Variants in SCAMP1 observed in about 807,000 individuals in gnomAD.
SCAMP1 encodes the protein secretory carrier-associated membrane protein 1.
In SCAMP1, 15 loss-of-function variants were observed where a neutral mutation model predicts 41.8. That is an observed-to-expected ratio of 0.36 (90% CI 0.24 to 0.55). The LOEUF is 0.55. Among genes scored for constraint, SCAMP1 ranks in the 20% least tolerant of loss-of-function variants. The pLI is 0.86. For synonymous variants in SCAMP1, 135 were observed against 136.8 expected, an observed-to-expected ratio of 0.99 and a Z score of 0.09; for missense variants, 341 against 412.6, an observed-to-expected ratio of 0.83 and a Z score of 1.50.
intron 1 of SCAMP1, among the ~76,000 whole-genome samples, chr5:78,383,258 A>G (rs1354478306): frequency 6.6e-6 from 1 of 151,862 alleles, no homozygotes; most frequent in Admixed American, 6.6e-5. Flanking sequence ...TTGTCTATTC[A>G]TGTCCTTAGC....
At chr5:78,408,950 T>C (rs1751999177) in intron 2 of SCAMP1, among the ~76,000 whole-genome samples, 1 of 152,160 alleles carries the variant, frequency 6.6e-6, no homozygotes, top group Non-Finnish European at 1.5e-5. Flanking sequence ...CCTTTTTTCC[T>C]CCCTTCTACA....
At chr5:78,429,300 T>A (rs748944786) in intron 6 of SCAMP1, among the ~76,000 whole-genome samples, 25 of 151,840 alleles carry the variant, frequency 1.6e-4, no homozygotes, top group Non-Finnish European at 3.2e-4. Context: ...AGATGCCCTT[T>A]GTTGGTCTCA....
At chr5:78,423,407 C>G (rs1008544017) in intron 6 of SCAMP1, among the ~76,000 whole-genome samples, 1 of 152,170 alleles carries the variant, frequency 6.6e-6, no homozygotes, top group Non-Finnish European at 1.5e-5. Context: ...GCATGGCTCA[C>G]AAGGCTTTTT....
intron 8 of SCAMP1, among the ~76,000 whole-genome samples, chr5:78,474,905 A>G (rs1753969768): frequency 6.6e-6 from 1 of 152,216 alleles, no homozygotes; most frequent in African/African-American, 2.4e-5. Flanking sequence ...GTGATTAATC[A>G]GTATGGAGAA....
At chr5:78,447,848 T>TCCTCCTCCCCTC (rs1753092073) in intron 6 of SCAMP1, among the ~76,000 whole-genome samples, 1 of 71,868 alleles carries the variant, frequency 1.4e-5, no homozygotes, top group Admixed American at 1.5e-4. Context: ...TTCTTTCCCC[T>TCCTCCTCCCCTC]CCCTCCTCCC....
At chr5:78,388,786 A>G in intron 1 of SCAMP1, 51 bp from the exon 2 acceptor site, 1 of 983,970 alleles carries the variant, frequency 1.0e-6, no homozygotes, top group Non-Finnish European at 1.5e-6. Flanking sequence ...TATCAAAATT[A>G]TTTTTTAAAG....
rs966002635 is a variant in SCAMP1 at position 78,415,430 on chromosome 5, G to A, written c.136-90G>A. ...GGGAATGAAGAGATGCAGATTTTGG[G>A]ATTTTTCATTTTATTGGTGTTATAC... On this transcript the variant is annotated intron_variant, in intron 2 of 8. Transcript: ENST00000621999. 2.9e-5 allele frequency: 22 copies of A among 756,678 alleles called. 1 individual carries two copies. The highest frequency in any genetic ancestry group is 2.6e-4 in the Admixed American group (10 of 39,090). The allele number at this position is 756,678 out of a possible 1,614,324, so 46.9% of individuals were successfully genotyped here.
At chr5:78,441,197 G>A (rs527463008) in intron 6 of SCAMP1, among the ~76,000 whole-genome samples, 70 of 152,274 alleles carry the variant, frequency 4.6e-4, no homozygotes, top group African/African-American at 1.6e-3. Flanking sequence ...CTCACCCTCC[G>A]TGGGTGGCAC....
intron 1 of SCAMP1, among the ~76,000 whole-genome samples, chr5:78,361,727 T>TC (rs201004802): frequency 6.6e-6 from 1 of 152,168 alleles, no homozygotes; most frequent in Non-Finnish European, 1.5e-5. Flanking sequence ...TGTTTCTCAA[T>TC]CCCCCCGGCC....
chr5:78,460,820 C>CCTT (rs1580715544), intron 8 of SCAMP1, among the ~76,000 whole-genome samples: 13 of 28,196 alleles, frequency 4.6e-4, no homozygotes, highest in Non-Finnish European at 1.2e-3. Context: ...TTCCTTCCTT[C>CCTT]CTTTCTTGTC....
intron 8 of SCAMP1, among the ~76,000 whole-genome samples, chr5:78,468,899 C>A (rs1482284437): frequency 2.0e-5 from 3 of 152,076 alleles, no homozygotes; most frequent in Non-Finnish European, 4.4e-5. Flanking sequence ...GTGACTCTTA[C>A]AGTTATCCCT....
intron 8 of SCAMP1, among the ~76,000 whole-genome samples, chr5:78,474,860 G>C (rs1005104043): frequency 8.5e-5 from 13 of 152,244 alleles, no homozygotes; most frequent in African/African-American, 3.1e-4. Flanking sequence ...GAAAATTTTT[G>C]AACCCTACTC....
chr5:78,366,525 C>T (rs1750800424), intron 1 of SCAMP1, among the ~76,000 whole-genome samples: 7 of 152,182 alleles, frequency 4.6e-5, no homozygotes, highest in Admixed American at 4.6e-4. Context: ...ACAAAGTCTT[C>T]ACCTTCTGAT....
At chr5:78,460,365 C>T (rs905612561) in intron 8 of SCAMP1, among the ~76,000 whole-genome samples, 1 of 152,168 alleles carries the variant, frequency 6.6e-6, no homozygotes, top group African/African-American at 2.4e-5. Flanking sequence ...AATTTATATT[C>T]CCGTCAACGG....
chr5:78,453,530 G>T (rs1179622995), intron 7 of SCAMP1, among the ~76,000 whole-genome samples: 1 of 151,730 alleles, frequency 6.6e-6, no homozygotes, highest in Non-Finnish European at 1.5e-5. Context: ...GCTCTGTTCT[G>T]TTCCATTGAT....
chr5:78,382,202 A>G (rs1751220180), intron 1 of SCAMP1, among the ~76,000 whole-genome samples: 2 of 152,206 alleles, frequency 1.3e-5, no homozygotes, highest in South Asian at 2.1e-4. Flanking sequence ...GATGCATACT[A>G]AAGTTTGAGA....
intron 8 of SCAMP1, among the ~76,000 whole-genome samples, chr5:78,466,825 A>T (rs1253890514): frequency 6.6e-6 from 1 of 152,182 alleles, no homozygotes; most frequent in African/African-American, 2.4e-5. Context: ...GGAAACACTT[A>T]GGAGACGGGC....
intron 8 of SCAMP1, among the ~76,000 whole-genome samples, chr5:78,469,174 C>G (rs1219462336): frequency 2.0e-5 from 3 of 152,132 alleles, no homozygotes; most frequent in Non-Finnish European, 4.4e-5. Flanking sequence ...CTTGTCTCTT[C>G]CACTTTGTAA....
chr5:78,452,957 G>T (rs1753278199), intron 7 of SCAMP1, among the ~76,000 whole-genome samples: 1 of 149,134 alleles, frequency 6.7e-6, no homozygotes, highest in South Asian at 2.1e-4. Context: ...ATTTTTTCAT[G>T]TGTTTTTTGG....
Sources: gnomAD v4.1 joint callset for allele counts (sites outside exome capture counted in the v4.1 genomes callset) on GRCh38, gnomAD v4.1.1 for gene constraint, MANE v1.5 for transcripts, NCBI Gene and HGNC (gene_info 2026-07-23, HGNC 2026-07-21) for gene names.